Variants in SNX14 observed in about 807,000 individuals in gnomAD.
SNX14 encodes sorting nexin 14.
SNX14 carries 93 observed loss-of-function variants against 133.8 expected under a neutral mutation model. The observed-to-expected ratio is 0.70, with a 90% CI of 0.59 to 0.83. The LOEUF (loss-of-function observed/expected upper bound fraction) is 0.83. SNX14 is among the 40% of genes least tolerant of loss of function. SNX14 has a pLI of 0.00. For synonymous variants in SNX14, 368 were observed against 365.6 expected (o/e 1.01, Z -0.07); for missense variants, 945 against 1,094.9 (o/e 0.86, Z 1.93).
At chr6:85,534,835 T>TTG (rs1305075435) in intron 17 of SNX14, among the ~76,000 whole-genome samples, 1 of 150,786 alleles carries the variant, frequency 6.6e-6, no homozygotes, top group Non-Finnish European at 1.5e-5. Flanking sequence ...GGGAAAGTTT[T>TTG]TTTTTTTTTT....
intron 26 of SNX14, among the ~76,000 whole-genome samples, chr6:85,512,222 T>C (rs1480236519): frequency 6.6e-6 from 1 of 152,130 alleles, no homozygotes; most frequent in Non-Finnish European, 1.5e-5. Context: ...ACTGATGTAT[T>C]TCAAAATGGT....
chr6:85,556,638 G>C (rs1325589804), intron 7 of SNX14, among the ~76,000 whole-genome samples: 3 of 151,838 alleles, frequency 2.0e-5, no homozygotes, highest in Non-Finnish European at 4.4e-5. Flanking sequence ...ATTTTTAGTA[G>C]ACATGGGTTT....
intron 6 of SNX14, among the ~76,000 whole-genome samples, chr6:85,558,664 A>G (rs1428469017): frequency 6.6e-6 from 1 of 152,044 alleles, no homozygotes. Context: ...GGGTTTCGCC[A>G]TGTTGCCCAG....
At chr6:85,590,547 T>G (rs931443337) in intron 1 of SNX14, among the ~76,000 whole-genome samples, 2 of 152,244 alleles carry the variant, frequency 1.3e-5, no homozygotes, top group Admixed American at 6.5e-5. Context: ...TTCTGCCTGT[T>G]GGTCAGCAGA....
intron 1 of SNX14, among the ~76,000 whole-genome samples, chr6:85,585,786 C>T (rs1026624785): frequency 1.3e-5 from 2 of 151,816 alleles, no homozygotes; most frequent in African/African-American, 4.8e-5. Context: ...TCGAGAATAA[C>T]CATGTTGTAA....
intron 5 of SNX14, 137 bp from the exon 6 acceptor site, chr6:85,565,556 T>C (rs756770529): frequency 2.0e-5 from 12 of 606,242 alleles, no homozygotes; most frequent in Non-Finnish European, 3.5e-5. Context: ...TACATTTCAT[T>C]GCAGAAAAAA....
At chr6:85,593,469 C>T (rs1487863408) in intron 1 of SNX14, 110 bp downstream of exon 1, 3 of 1,441,042 alleles carry the variant, frequency 2.1e-6, no homozygotes, top group East Asian at 2.6e-5. Flanking sequence ...GCTCTCCCCA[C>T]TGGTCCCCAG....
At chr6:85,518,459 A>G (rs956162800) in intron 21 of SNX14, among the ~76,000 whole-genome samples, 4 of 152,196 alleles carry the variant, frequency 2.6e-5, no homozygotes, top group South Asian at 2.1e-4. Context: ...AAAAGTTTTA[A>G]GAACTGCCTC....
chr6:85,541,150 G>A (rs1358894205), intron 15 of SNX14, among the ~76,000 whole-genome samples: 4 of 151,868 alleles, frequency 2.6e-5, no homozygotes, highest in South Asian at 2.1e-4. Context: ...GTGCCACCAC[G>A]CCCAGCTAAT....
At chr6:85,513,416 G>A (rs1773650237) in intron 26 of SNX14, among the ~76,000 whole-genome samples, 1 of 152,188 alleles carries the variant, frequency 6.6e-6, no homozygotes, top group Non-Finnish European at 1.5e-5. Flanking sequence ...ATAGTGCCTG[G>A]AATATGGAAG....
chr6:85,518,863 T>G (rs1428003307), intron 21 of SNX14, among the ~76,000 whole-genome samples: 1 of 152,194 alleles, frequency 6.6e-6, no homozygotes, highest in Non-Finnish European at 1.5e-5. Flanking sequence ...TCCTATGCTT[T>G]TCTGTCTTCT....
chr6:85,557,405 T>C (rs1790127043), intron 7 of SNX14, among the ~76,000 whole-genome samples: 1 of 152,112 alleles, frequency 6.6e-6, no homozygotes, highest in Non-Finnish European at 1.5e-5. Context: ...GGGAAAACAT[T>C]TAATGAACAT....
intron 5 of SNX14, among the ~76,000 whole-genome samples, chr6:85,567,060 T>C (rs574786237): frequency 6.6e-6 from 1 of 152,182 alleles, no homozygotes; most frequent in Non-Finnish European, 1.5e-5. Flanking sequence ...GAATACAGAT[T>C]CCCCTCCAAA....
At chr6:85,546,833 T>C (rs1184591659) in intron 12 of SNX14, among the ~76,000 whole-genome samples, 1 of 151,988 alleles carries the variant, frequency 6.6e-6, no homozygotes, top group African/African-American at 2.4e-5. Flanking sequence ...TGCTGGCACA[T>C]GCCTGTAATC....
chr6:85,572,464 T>C, intron 2 of SNX14, 90 bp from the exon 3 acceptor site: 2 of 1,000,870 alleles, frequency 2.0e-6, no homozygotes, highest in Non-Finnish European at 1.5e-6. Context: ...GTTTTTAAAA[T>C]CAATGTATAA....
intron 26 of SNX14, among the ~76,000 whole-genome samples, chr6:85,512,576 C>T (rs1211865462): frequency 2.0e-5 from 3 of 146,438 alleles, no homozygotes; most frequent in East Asian, 4.0e-4. Context: ...GAGCAGAGAT[C>T]GTGTCATTTC....
At chr6:85,530,322 C>A in intron 18 of SNX14, 47 bp from the exon 19 acceptor site, 2 of 1,194,052 alleles carry the variant, frequency 1.7e-6, no homozygotes, top group East Asian at 2.6e-5. Context: ...ATTTCAAAAC[C>A]TAAAAGAATG....
At chr6:85,541,526 A>G (rs570079747) in intron 15 of SNX14, among the ~76,000 whole-genome samples, 64 of 152,296 alleles carry the variant, frequency 4.2e-4, no homozygotes, top group Non-Finnish European at 3.4e-4. Context: ...AAATGGATAA[A>G]GATTTTCTCT....
chr6:85,565,825 A>G lies in SNX14; in HGVS notation c.462-406T>C, dbSNP rs1793640599. The stretch of plus-strand genomic sequence containing the variant: ...ACTTATAAAATAAATTCTAAAAGTT[A>G]AAACAAAAAAATGTGTGCTCTATTT... On this transcript the variant is annotated intron_variant, in intron 5 of 28. Transcript: ENST00000314673. 2.0e-5 allele frequency among the ~76,000 whole-genome samples: 3 copies of G among 152,226 alleles called. No homozygotes were observed. In the South Asian group the frequency reaches 6.2e-4, roughly 31 times the overall value.
Sources: allele counts gnomAD v4.1 joint callset (sites outside exome capture counted in the v4.1 genomes callset), GRCh38; gene constraint gnomAD v4.1.1; transcripts MANE v1.5; gene names NCBI Gene and HGNC (gene_info 2026-07-23, HGNC 2026-07-21).